The following PRKD1 variants were observed in gnomAD, a reference collection of about 807,000 sequenced individuals.
PRKD1 encodes the protein protein kinase D1.
Under a neutral mutation model 95.9 loss-of-function variants are expected in PRKD1, and 63 were observed. The ratio of observed to expected loss-of-function variants is 0.66; its 90% confidence interval spans 0.54 to 0.81. The LOEUF (loss-of-function observed/expected upper bound fraction) is 0.81. Ranked by LOEUF, PRKD1 falls within the 30% of genes least tolerant of loss-of-function variation. The pLI, the probability that PRKD1 is intolerant of heterozygous loss-of-function variation, is 0.00. For synonymous variants in PRKD1, 425 were observed against 423.1 expected (o/e 1.00, Z -0.05); for missense variants, 1,048 against 1,165.3 (o/e 0.90, Z 1.47).
intron 1 of PRKD1, among the ~76,000 whole-genome samples, chr14:29,826,720 T>TACATATATATACATATATAC (rs1891160589): frequency 1.6e-5 from 1 of 63,532 alleles, no homozygotes; most frequent in Non-Finnish European, 3.1e-5. Context: ...CATATATATA[T>TACATATATATACATATATAC]ACATATATAT....
chr14:29,775,621 C>G (rs1010849370), intron 1 of PRKD1, among the ~76,000 whole-genome samples: 9 of 152,264 alleles, frequency 5.9e-5, no homozygotes, highest in African/African-American at 2.2e-4. Flanking sequence ...ATTGCTGAGG[C>G]TTGAGTAGGT....
intron 3 of PRKD1, among the ~76,000 whole-genome samples, chr14:29,665,382 T>C (rs973336716): frequency 1.3e-5 from 2 of 152,166 alleles, no homozygotes; most frequent in African/African-American, 4.8e-5. Flanking sequence ...CAGCCACCTC[T>C]GAACCTCCTG....
At chr14:29,926,619 A>G (rs1017032640) in intron 1 of PRKD1, among the ~76,000 whole-genome samples, 9 of 152,104 alleles carry the variant, frequency 5.9e-5, no homozygotes, top group Non-Finnish European at 1.0e-4. Context: ...TCCTACTATC[A>G]GCATCCCGGG....
chr14:29,681,908 A>G (rs1198199025), intron 2 of PRKD1, among the ~76,000 whole-genome samples: 1 of 152,256 alleles, frequency 6.6e-6, no homozygotes, highest in Non-Finnish European at 1.5e-5. Context: ...GTACAAGCCA[A>G]TAATACTAAC....
intron 3 of PRKD1, 115 bp downstream of exon 3, chr14:29,665,962 C>T: frequency 1.7e-6 from 2 of 1,156,402 alleles, no homozygotes; most frequent in Admixed American, 2.4e-5. Flanking sequence ...TTTCTTTATC[C>T]ACTCATTGGT....
chr14:29,855,570 G>C (rs1288231275), intron 1 of PRKD1, among the ~76,000 whole-genome samples: 1 of 152,142 alleles, frequency 6.6e-6, no homozygotes, highest in Admixed American at 6.5e-5. Context: ...TAAAGACTTT[G>C]GGGGACTGTT....
chr14:29,735,097 A>T (rs1886650911), intron 1 of PRKD1, among the ~76,000 whole-genome samples: 1 of 152,152 alleles, frequency 6.6e-6, no homozygotes, highest in Non-Finnish European at 1.5e-5. Flanking sequence ...CATGTCTCAA[A>T]CCAGTTACTC....
intron 1 of PRKD1, among the ~76,000 whole-genome samples, chr14:29,760,791 T>C (rs973052497): frequency 6.6e-6 from 1 of 152,350 alleles, no homozygotes; most frequent in Middle Eastern, 3.4e-3. Flanking sequence ...TAAACCCTTT[T>C]AAACACATTT....
intron 2 of PRKD1, among the ~76,000 whole-genome samples, chr14:29,693,627 C>CAAAAA (rs772835816): frequency 3.7e-5 from 3 of 81,558 alleles, no homozygotes; most frequent in Admixed American, 1.3e-4. Flanking sequence ...TGACCTCAGT[C>CAAAAA]AAAAAAAAAA....
At chr14:29,801,273 C>A (rs965582549) in intron 1 of PRKD1, among the ~76,000 whole-genome samples, 1 of 152,152 alleles carries the variant, frequency 6.6e-6, no homozygotes, top group Non-Finnish European at 1.5e-5. Context: ...AAGGCTAATG[C>A]CTCTACTTAA....
At chr14:29,744,513 C>T (rs999155678) in intron 1 of PRKD1, among the ~76,000 whole-genome samples, 1 of 152,136 alleles carries the variant, frequency 6.6e-6, no homozygotes, top group Non-Finnish European at 1.5e-5. Flanking sequence ...CCCCAGCAAT[C>T]TACTCTACAA....
intron 1 of PRKD1, among the ~76,000 whole-genome samples, chr14:29,742,269 A>G (rs1195606611): frequency 1.3e-5 from 2 of 152,122 alleles, no homozygotes; most frequent in African/African-American, 4.8e-5. Flanking sequence ...ACCACCTGCC[A>G]CCCCAACATT....
intron 1 of PRKD1, among the ~76,000 whole-genome samples, chr14:29,915,800 A>C (rs1192419890): frequency 6.6e-6 from 1 of 152,246 alleles, no homozygotes; most frequent in Non-Finnish European, 1.5e-5. Flanking sequence ...ATAATCTGAT[A>C]ATTCCAAACT....
rs1228532129 is a variant in PRKD1 at position 29,630,955 on chromosome 14, C to T, written c.1459G>A (p.Ala487Thr). 5 of 1,613,748 alleles carry T rather than the reference C, an allele frequency of 3.1e-6. No individual in the cohort carries two copies. In the African/African-American group the frequency reaches 6.7e-5, roughly 22 times the overall value. Reference sequence around the variant, plus strand: ...GTGATTTCGAAACAATGAGGATTGGCCCCATTAGGAATTAAAGCTGAAGTT... The same window carrying T: ...GTGATTTCGAAACAATGAGGATTGGTCCCATTAGGAATTAAAGCTGAAGTT... ...VKTSALIPNG[A>T]NPHCFEITTA... The change falls in exon 10 of 18, where the codon GCC becomes ACC. Residue 487 changes from alanine to threonine, a missense_variant. Physicochemically the swap from Ala to Thr is moderately conservative, Grantham distance 58. Coordinates refer to ENST00000331968, the MANE Select transcript of PRKD1 (RefSeq NM_002742.3).
Position 29,751,519 on chromosome 14 carries a change from A to G in PRKD1, c.265-25845T>C, listed in dbSNP as rs544113022. Among the ~76,000 whole-genome samples, 11 of 152,336 alleles carry G rather than the reference A, an allele frequency of 7.2e-5. No individual in the cohort carries two copies. The East Asian group carries it at 2.1e-3, about 29-fold the overall frequency. Reference sequence around the variant, plus strand: ...AAGAGGATAAAGTCAAGGGAATCAGAGATACCAACCTTGCAACTGAAGATT... The same window carrying G: ...AAGAGGATAAAGTCAAGGGAATCAGGGATACCAACCTTGCAACTGAAGATT... On this transcript the variant is annotated intron_variant, in intron 1 of 17. Transcript: ENST00000331968.
chr14:29,848,660 A>G (rs1892179102), intron 1 of PRKD1, among the ~76,000 whole-genome samples: 1 of 152,146 alleles, frequency 6.6e-6, no homozygotes, highest in South Asian at 2.1e-4. Flanking sequence ...CAAGTGTCTG[A>G]TTCTCAACAA....
chr14:29,615,233 T>C (rs1355477231), intron 13 of PRKD1, among the ~76,000 whole-genome samples: 1 of 152,196 alleles, frequency 6.6e-6, no homozygotes, highest in Non-Finnish European at 1.5e-5. Flanking sequence ...AATATTTATA[T>C]TCTAATGGGT....
chr14:29,896,696 A>C (rs1026818691), intron 1 of PRKD1, among the ~76,000 whole-genome samples: 1 of 149,786 alleles, frequency 6.7e-6, no homozygotes, highest in Non-Finnish European at 1.5e-5. Flanking sequence ...AAGATGTTAC[A>C]ATTTATTATG....
chr14:29,718,718 G>A (rs925224659), intron 2 of PRKD1, among the ~76,000 whole-genome samples: 2 of 152,162 alleles, frequency 1.3e-5, no homozygotes, highest in African/African-American at 4.8e-5. Flanking sequence ...ACACTTAGAT[G>A]TCCAAGTACA....
Sources: gnomAD v4.1 joint callset for allele counts (sites outside exome capture counted in the v4.1 genomes callset) on GRCh38, gnomAD v4.1.1 for gene constraint, MANE v1.5 for transcripts, NCBI Gene and HGNC (gene_info 2026-07-23, HGNC 2026-07-21) for gene names.